The following TSHZ2 variants were observed in gnomAD, a reference collection of about 807,000 sequenced individuals.
TSHZ2 encodes the protein teashirt zinc finger homeobox 2.
A neutral mutation model predicts 74.4 loss-of-function variants in TSHZ2; 21 were observed. The ratio of observed to expected loss-of-function variants is 0.28; its 90% CI spans 0.20 to 0.41. The LOEUF (loss-of-function observed/expected upper bound fraction) is 0.41, where lower values mean the gene tolerates loss of function less well. Ranked by LOEUF, TSHZ2 falls within the 10% of genes least tolerant of loss-of-function variation. The pLI is 1.00. For missense variants in TSHZ2, 1,244 were observed against 1,293.5 expected (o/e 0.96, Z 0.59); for synonymous variants, 540 against 515.3 (o/e 1.05, Z -0.65).
At chr20:53,100,684 T>C (rs1986191679) in intron 1 of TSHZ2, among the ~76,000 whole-genome samples, 1 of 152,176 alleles carries the variant, frequency 6.6e-6, no homozygotes, top group Non-Finnish European at 1.5e-5. Context: ...TTGCCTGCTG[T>C]GGTCCCACCC....
chr20:53,454,364 C>T (rs866773747), intron 2 of TSHZ2, among the ~76,000 whole-genome samples: 1 of 152,018 alleles, frequency 6.6e-6, no homozygotes, highest in African/African-American at 2.4e-5. Context: ...GATTTTGAGA[C>T]CAGCCTGGCC....
Position 53,139,115 on chromosome 20 carries a change from T to C in TSHZ2, c.41-114384T>C, listed in dbSNP as rs116600714. On this transcript the variant is annotated intron_variant, in intron 1 of 2. Coordinates refer to ENST00000371497, the MANE Select transcript of TSHZ2 (RefSeq NM_173485.6). ...TTCTTCTTTAAATTACTCTGAAACA[T>C]TTACCCTTAGCAAATGGTGACACAG... 9.7e-3 allele frequency among the ~76,000 whole-genome samples: 1,473 copies of C among 152,312 alleles called. 29 individuals carry two copies. The highest frequency in any genetic ancestry group is 0.033 in the African/African-American group (1,363 of 41,562).
intron 1 of TSHZ2, among the ~76,000 whole-genome samples, chr20:52,990,900 G>T (rs1040847400): frequency 1.3e-5 from 2 of 152,076 alleles, no homozygotes; most frequent in East Asian, 3.9e-4. Flanking sequence ...TTACCTCTGC[G>T]TATTGAGAAC....
intron 2 of TSHZ2, among the ~76,000 whole-genome samples, chr20:53,395,015 C>A (rs188731388): frequency 6.6e-6 from 1 of 152,058 alleles, no homozygotes. Flanking sequence ...CTAGAAGCTG[C>A]GCTAGTCAAG....
chr20:53,266,767 C>T (rs1026903940), intron 2 of TSHZ2, among the ~76,000 whole-genome samples: 1 of 141,394 alleles, frequency 7.1e-6, no homozygotes, highest in African/African-American at 2.7e-5. Context: ...GGAGGCCGAT[C>T]GACGATTTTT....
chr20:53,460,703 T>C (rs1985324491), intron 2 of TSHZ2, among the ~76,000 whole-genome samples: 1 of 152,232 alleles, frequency 6.6e-6, no homozygotes, highest in Admixed American at 6.5e-5. Context: ...TCTTTGATGA[T>C]GGTGATGTAC....
chr20:53,163,449 TTATTTTA>T (rs1168945703), intron 1 of TSHZ2, among the ~76,000 whole-genome samples: 60 of 146,772 alleles, frequency 4.1e-4, no homozygotes, highest in African/African-American at 1.5e-3. Context: ...TTATTTTATT[TTATTTTA>T]TTTTTTTTTA....
At chr20:53,366,206 A>G (rs1213340710) in intron 2 of TSHZ2, among the ~76,000 whole-genome samples, 11 of 152,162 alleles carry the variant, frequency 7.2e-5, no homozygotes, top group African/African-American at 2.7e-4. Context: ...TTGGTCCGGG[A>G]TTCACTGCCC....
chr20:53,088,264 A>T (rs992337539), intron 1 of TSHZ2, among the ~76,000 whole-genome samples: 1 of 152,162 alleles, frequency 6.6e-6, no homozygotes, highest in Non-Finnish European at 1.5e-5. Flanking sequence ...CAACTCTGGG[A>T]ACTCAAAAGT....
chr20:53,310,233 T>C (rs1179982027), intron 2 of TSHZ2, among the ~76,000 whole-genome samples: 1 of 152,082 alleles, frequency 6.6e-6, no homozygotes, highest in Non-Finnish European at 1.5e-5. Context: ...CAGTGGAGGG[T>C]CACAGAGGCA....
At chr20:53,458,109 G>A (rs972011905) in intron 2 of TSHZ2, among the ~76,000 whole-genome samples, 1 of 151,816 alleles carries the variant, frequency 6.6e-6, no homozygotes, top group Non-Finnish European at 1.5e-5. Context: ...TTTTTCTATT[G>A]ATTGGAATAG....
chr20:53,001,236 G>GTA (rs1429970866), intron 1 of TSHZ2, among the ~76,000 whole-genome samples: 4 of 108,252 alleles, frequency 3.7e-5, no homozygotes, highest in African/African-American at 6.1e-5. Flanking sequence ...GTGTGTGTGT[G>GTA]TGTGTGTGTG....
At chr20:53,111,822 C>G (rs1286821917) in intron 1 of TSHZ2, among the ~76,000 whole-genome samples, 2 of 152,002 alleles carry the variant, frequency 1.3e-5, no homozygotes, top group Non-Finnish European at 2.9e-5. Context: ...CACCTTAACT[C>G]AGGGTTGTGG....
intron 2 of TSHZ2, among the ~76,000 whole-genome samples, chr20:53,474,144 G>T (rs1347934877): frequency 1.3e-5 from 2 of 149,482 alleles, no homozygotes; most frequent in Non-Finnish European, 3.0e-5. Flanking sequence ...TCAGATTCAG[G>T]AAATGCAGAG....
At chr20:53,194,999 A>G (rs751850317) in intron 1 of TSHZ2, among the ~76,000 whole-genome samples, 18 of 152,262 alleles carry the variant, frequency 1.2e-4, no homozygotes, top group East Asian at 3.9e-4. Flanking sequence ...TCATGTCTCT[A>G]TCACTCTGTG....
intron 1 of TSHZ2, among the ~76,000 whole-genome samples, chr20:53,050,103 G>GTATATATATATATATATATATATATA (rs71897861): frequency 2.0e-4 from 23 of 116,036 alleles, no homozygotes; most frequent in East Asian, 4.7e-4. Flanking sequence ...GTATATGTGT[G>GTATATATATATATATATATATATATA]TATATATATA....
intron 2 of TSHZ2, among the ~76,000 whole-genome samples, chr20:53,371,570 G>T (rs1981470858): frequency 6.6e-6 from 1 of 152,190 alleles, no homozygotes; most frequent in Non-Finnish European, 1.5e-5. Context: ...GACAGAGTCT[G>T]CCATCAAAAG....
intron 2 of TSHZ2, among the ~76,000 whole-genome samples, chr20:53,483,862 T>A (rs6097453): frequency 0.2 from 30,456 of 152,168 alleles, 3,222 homozygotes; most frequent in East Asian, 0.3. Flanking sequence ...AAAGTCTGGG[T>A]GTTGATTTAA....
chr20:53,311,203 C>A (rs189740850), intron 2 of TSHZ2, among the ~76,000 whole-genome samples: 2 of 152,342 alleles, frequency 1.3e-5, no homozygotes, highest in East Asian at 1.9e-4. Context: ...CATTAAAAAT[C>A]TTTTAAGCCA....
Sources: allele counts gnomAD v4.1 joint callset (sites outside exome capture counted in the v4.1 genomes callset), GRCh38; gene constraint gnomAD v4.1.1; transcripts MANE v1.5; gene names NCBI Gene and HGNC (gene_info 2026-07-23, HGNC 2026-07-21).